Variants in CBY2 observed in about 807,000 individuals in gnomAD.
CBY2 encodes protein chibby homolog 2.
CBY2 carries 23 observed loss-of-function variants against 25.3 expected under a neutral mutation model. That is an observed-to-expected ratio of 0.91 (90% CI 0.65 to 1.29). CBY2 has a LOEUF of 1.29. Among genes scored for constraint, CBY2 ranks in the 50% most tolerant of loss-of-function variants. CBY2 has a pLI of 0.00. For synonymous variants in CBY2, 279 were observed against 260.2 expected (o/e 1.07, Z -0.70); for missense variants, 642 against 590.7 (o/e 1.09, Z -0.90).
rs1391775347 is a variant in CBY2, at chr13:45,702,768, T to C, written c.76-7T>C. The C allele has an allele frequency of 1.2e-6, 2 of 1,612,378 alleles. No individual in the cohort carries two copies. Among genetic ancestry groups the C allele is most frequent in the Non-Finnish European group, 1.7e-6 (2 of 1,178,666 alleles). The stretch of plus-strand genomic sequence containing the variant: ...GCAGTAATCTTCTTCTTTTCTCGTT[T>C]CCACAGCACTCAAGGCCAAATTATA... On this transcript the variant is annotated splice_polypyrimidine_tract_variant and splice_region_variant and intron_variant, in intron 1 of 2. Transcript: ENST00000310521.
rs1202121212 is a variant in CBY2 at position 45,714,124 on chromosome 13, C to G, written c.1099C>G (p.Gln367Glu). 6.3e-7 allele frequency: 1 copy of G among 1,578,610 alleles called. No individual in the cohort carries two copies. Among genetic ancestry groups the G allele is most frequent in the African/African-American group, 1.3e-5 (1 of 74,252 alleles). ...GCTGAGAGAGATGAGGCAGGCGCTG[C>G]AGGCCCTGCTCAAGGAGAACCGGCT... ...QLLREMRQALQALLKENRLLQ... is the reference protein window; with the variant it reads ...QLLREMRQALEALLKENRLLQ... Residue 367 changes from glutamine (Q) to glutamate (E), a missense_variant, in exon 3 of 3, where the codon CAG becomes GAG. Physicochemically the swap from Gln to Glu is conservative, Grantham distance 29. Coordinates refer to ENST00000310521, the MANE Select transcript of CBY2 (RefSeq NM_152719.3).
intron 2 of CBY2, among the ~76,000 whole-genome samples, chr13:45,709,823 G>A (rs968245674): frequency 1.2e-4 from 18 of 152,296 alleles, no homozygotes; most frequent in African/African-American, 3.8e-4. Flanking sequence ...AAGATATCAT[G>A]TTCCCCAAAG....
chr13:45,713,875 G>A lies in CBY2; in HGVS notation c.850G>A (p.Ala284Thr), dbSNP rs1028284556. ...TAAPAEESKP[A>T]PSPHEEPCSP... Reference sequence around the variant, plus strand: ...CGCCCCTGCCGAGGAAAGCAAGCCCGCCCCCTCACCCCACGAGGAGCCCTG... The same window carrying A: ...CGCCCCTGCCGAGGAAAGCAAGCCCACCCCCTCACCCCACGAGGAGCCCTG... Residue 284 changes from alanine to threonine, a missense_variant, in exon 3 of 3, where the codon GCC becomes ACC. Ala to Thr is a moderately conservative substitution (Grantham distance 58). Coordinates refer to ENST00000310521, the MANE Select transcript of CBY2 (RefSeq NM_152719.3). The surrounding 1 kb of genome is among the most constrained non-coding windows in gnomAD (Gnocchi z 5.0). 14 of 1,524,676 alleles carry A rather than the reference G, an allele frequency of 9.2e-6. No individual in the cohort carries two copies. Among genetic ancestry groups the A allele is most frequent in the South Asian group, 3.6e-5 (3 of 83,232 alleles). 94.4% of individuals were successfully genotyped at this position (1,524,676 alleles called of 1,614,324 possible).
intron 2 of CBY2, among the ~76,000 whole-genome samples, chr13:45,706,976 C>T (rs1445611508): frequency 6.6e-6 from 1 of 152,192 alleles, no homozygotes; most frequent in Non-Finnish European, 1.5e-5. Flanking sequence ...TTAAACCTTA[C>T]CAGTAGAACT....
chr13:45,703,385 T>A, intron 2 of CBY2: 1 of 1,449,222 alleles, frequency 6.9e-7, no homozygotes, highest in South Asian at 1.5e-5. Flanking sequence ...ATTGGTGAAG[T>A]CCTCACAGGC....
chr13:45,713,993 AGCTGC>A lies in CBY2; in HGVS notation c.971_975del (p.Leu324ArgfsTer90). ...CCGGCCCGGCAGGAGGACTCCAAGG[AGCTGC>A]GCGCCCTGCGGAAGATGGTCAGCAA... On this transcript the variant is annotated frameshift_variant, in exon 3 of 3. Coordinates refer to ENST00000310521, the MANE Select transcript of CBY2 (RefSeq NM_152719.3). LOFTEE classifies it high-confidence loss of function. This position sits in a 1 kb window ranked among gnomAD's most constrained non-coding sequence, Gnocchi z 5.0. 6.7e-7 allele frequency: 1 copy of A among 1,500,362 alleles called. No homozygotes were observed. The highest frequency in any genetic ancestry group is 1.4e-5 in the African/African-American group (1 of 70,860). 92.9% of individuals were successfully genotyped at this position (1,500,362 alleles called of 1,614,324 possible). A position where few individuals can be genotyped will look rare whatever the true frequency, so the allele number is the denominator to read the frequency against.
At position 45,713,883 on chromosome 13, in the gene CBY2, A is replaced by AC. The variant is rs1566072152; in HGVS notation, c.862dup (p.His288ProfsTer128). 5.9e-6 allele frequency: 9 copies of AC among 1,529,786 alleles called. No individual in the cohort carries two copies. In the South Asian group the frequency reaches 1.1e-4, roughly 18 times the overall value. 94.8% of individuals were successfully genotyped at this position (1,529,786 alleles called of 1,614,324 possible). A position where few individuals can be genotyped will look rare whatever the true frequency, so the allele number is the denominator to read the frequency against. The stretch of plus-strand genomic sequence containing the variant: ...CCGAGGAAAGCAAGCCCGCCCCCTC[A>AC]CCCCACGAGGAGCCCTGCAGCCCCG... On this transcript the variant is annotated frameshift_variant, in exon 3 of 3. Coordinates refer to ENST00000310521, the MANE Select transcript of CBY2 (RefSeq NM_152719.3). LOFTEE classifies it high-confidence loss of function. The surrounding 1 kb of genome is among the most constrained non-coding windows in gnomAD (Gnocchi z 5.0).
chr13:45,708,608 T>C (rs891910042), intron 2 of CBY2, among the ~76,000 whole-genome samples: 3 of 152,156 alleles, frequency 2.0e-5, no homozygotes, highest in Non-Finnish European at 4.4e-5. Context: ...CTAGCTCTGA[T>C]CAGAATCAGA....
rs1408906132 is a variant in CBY2 at position 45,702,823 on chromosome 13, C to G, written c.124C>G (p.Leu42Val). The G allele has an allele frequency of 1.9e-6, 3 of 1,614,090 alleles. No individual in the cohort carries two copies. Among genetic ancestry groups the G allele is most frequent in the South Asian group, 2.2e-5 (2 of 91,074 alleles). Residue 42 changes from leucine to valine, a missense_variant, in exon 2 of 3, where the codon CTA becomes GTA. Coordinates refer to ENST00000310521, the MANE Select transcript of CBY2 (RefSeq NM_152719.3). ...TRKRDTRSES[L>V]EIPISVVLPQ... The stretch of plus-strand genomic sequence containing the variant: ...AAAAAGAGATACCAGATCTGAAAGC[C>G]TAGAAATTCCAATCAGTGTGGTTCT...
intron 2 of CBY2, among the ~76,000 whole-genome samples, chr13:45,707,355 G>A (rs542179100): frequency 1.3e-5 from 2 of 152,180 alleles, no homozygotes; most frequent in South Asian, 4.2e-4. Flanking sequence ...TTTGCCCTGG[G>A]ACTATTTTAA....
chr13:45,703,501 C>T (rs1204608291), intron 2 of CBY2: 1 of 1,550,358 alleles, frequency 6.5e-7, no homozygotes, highest in Non-Finnish European at 8.7e-7. Flanking sequence ...GGTGGCTTTG[C>T]TTTCTCCAGA....
chr13:45,706,569 T>C, intron 2 of CBY2, among the ~76,000 whole-genome samples: 1 of 152,246 alleles, frequency 6.6e-6, no homozygotes, highest in African/African-American at 2.4e-5. Flanking sequence ...GCCAACCTTT[T>C]TCTTTCCTAC....
At chr13:45,705,281 T>A (rs1950233469) in intron 2 of CBY2, among the ~76,000 whole-genome samples, 1 of 152,240 alleles carries the variant, frequency 6.6e-6, no homozygotes, top group Admixed American at 6.5e-5. Flanking sequence ...GATTCAGTTC[T>A]CACAGACTTT....
chr13:45,713,903 G>GCC lies in CBY2; in HGVS notation c.881_882dup (p.Gly295ProfsTer66), dbSNP rs560320572. Reference sequence around the variant, plus strand: ...CCCTCACCCCACGAGGAGCCCTGCAGCCCCGGGCTGCTGCAGGACCAGGGC... The same window carrying GCC: ...CCCTCACCCCACGAGGAGCCCTGCAGCCCCCCGGGCTGCTGCAGGACCAGGGC... On this transcript the variant is annotated frameshift_variant, in exon 3 of 3. Coordinates refer to ENST00000310521, the MANE Select transcript of CBY2 (RefSeq NM_152719.3). LOFTEE classifies it high-confidence loss of function. This position sits in a 1 kb window ranked among gnomAD's most constrained non-coding sequence, Gnocchi z 5.0. 300 of 1,534,730 alleles carry GCC rather than the reference G, an allele frequency of 2.0e-4. 3 individuals are homozygous for GCC. The South Asian group carries it at 3.3e-3, about 17-fold the overall frequency.
chr13:45,709,803 A>G (rs531822714), intron 2 of CBY2, among the ~76,000 whole-genome samples: 5 of 152,304 alleles, frequency 3.3e-5, no homozygotes, highest in African/African-American at 7.2e-5. Context: ...CATCATATAA[A>G]TTGAAGGAAA....
At position 45,702,689 on chromosome 13, in the gene CBY2, GA is replaced by G. The variant is rs1950216628; in HGVS notation, c.76-83del. ...TTGACAAGAGAGAAATAAATGAGTA[GA>G]AAGTTCTGTGTTTTTTAGGCGAGCA... is the stretch of plus-strand genomic sequence containing the variant. On this transcript the variant is annotated intron_variant, in intron 1 of 2. Coordinates refer to ENST00000310521, the MANE Select transcript of CBY2 (RefSeq NM_152719.3). 30 of 1,116,588 alleles carry G rather than the reference GA, an allele frequency of 2.7e-5. 1 individual carries two copies. In the South Asian group the frequency reaches 4.0e-4, roughly 15 times the overall value. 69.2% of individuals were successfully genotyped at this position (1,116,588 alleles called of 1,614,324 possible).
At chr13:45,709,961 AG>A (rs909339969) in intron 2 of CBY2, among the ~76,000 whole-genome samples, 1 of 152,152 alleles carries the variant, frequency 6.6e-6, no homozygotes, top group African/African-American at 2.4e-5. Context: ...AACATCTCTG[AG>A]TTTCAGTTTC....
Position 45,714,154 on chromosome 13 carries a change from CAGG to C in CBY2, c.1135_1137del (p.Glu379del), listed in dbSNP as rs1280597564. On this transcript the variant is annotated inframe_deletion, in exon 3 of 3. Transcript: ENST00000310521. ...CCTGCTCAAGGAGAACCGGCTCCTG[CAGG>C]AGGAGAACAGGACCCTGCAGGTGCT... 1.4e-5 allele frequency: 23 copies of C among 1,601,888 alleles called. No individual in the cohort carries two copies. The highest frequency in any genetic ancestry group is 1.8e-5 in the Non-Finnish European group (21 of 1,174,182).
chr13:45,705,591 CGTT>C (rs1263496098), intron 2 of CBY2, among the ~76,000 whole-genome samples: 2 of 152,188 alleles, frequency 1.3e-5, no homozygotes, highest in Non-Finnish European at 2.9e-5. Flanking sequence ...TTGCTGTTAA[CGTT>C]GTAATTCTGT....
Sources: gnomAD v4.1 joint callset for allele counts (sites outside exome capture counted in the v4.1 genomes callset) on GRCh38, gnomAD v4.1.1 for gene constraint, Gnocchi (gnomAD v3.1) non-coding constraint, MANE v1.5 for transcripts, NCBI Gene and HGNC (gene_info 2026-07-23, HGNC 2026-07-21) for gene names.